Variants in PRKN observed in about 807,000 individuals in gnomAD.
The protein encoded by PRKN is E3 ubiquitin-protein ligase parkin.
Under a neutral mutation model 59.5 loss-of-function variants are expected in PRKN, and 56 were observed. The ratio of observed to expected loss-of-function variants is 0.94; its 90% confidence interval spans 0.76 to 1.18. The LOEUF is 1.18. Ranked by LOEUF, PRKN falls within the 50% of genes most tolerant of loss-of-function variation. The pLI is 0.00. For missense variants in PRKN, 657 were observed against 596.4 expected, an observed-to-expected ratio of 1.10 and a Z score of -1.06; for synonymous variants, 250 against 222.1, an observed-to-expected ratio of 1.13 and a Z score of -1.12.
intron 6 of PRKN, among the ~76,000 whole-genome samples, chr6:161,939,095 C>A (rs531216249): frequency 2.2e-4 from 34 of 152,246 alleles, no homozygotes; most frequent in African/African-American, 7.2e-4. Flanking sequence ...CAACCAACTT[C>A]AATCCAGGAC....
chr6:161,928,335 G>A (rs1236434601), intron 6 of PRKN, among the ~76,000 whole-genome samples: 2 of 152,138 alleles, frequency 1.3e-5, no homozygotes, highest in African/African-American at 2.4e-5. Flanking sequence ...ATTTATGATG[G>A]TTAAAAATAC....
At chr6:161,990,382 A>T (rs1276884107) in intron 5 of PRKN, among the ~76,000 whole-genome samples, 1 of 115,090 alleles carries the variant, frequency 8.7e-6, no homozygotes, top group Non-Finnish European at 1.9e-5. Flanking sequence ...ATACATCTGT[A>T]GAAAAAAGTA....
chr6:161,800,101 T>TA (rs1229250950), intron 6 of PRKN, among the ~76,000 whole-genome samples: 2 of 152,080 alleles, frequency 1.3e-5, no homozygotes, highest in South Asian at 4.1e-4. Context: ...ATTTATGTTT[T>TA]AAAAAATCAC....
At chr6:161,789,388 T>A (rs1790550662) in intron 6 of PRKN, among the ~76,000 whole-genome samples, 1 of 152,164 alleles carries the variant, frequency 6.6e-6, no homozygotes, top group African/African-American at 2.4e-5. Flanking sequence ...TCCTGTTCTC[T>A]CCGCACCTCC....
chr6:162,701,515 C>A (rs1778151017), intron 1 of PRKN, among the ~76,000 whole-genome samples: 1 of 151,016 alleles, frequency 6.6e-6, no homozygotes, highest in Admixed American at 6.6e-5. Flanking sequence ...CTGGAATTAA[C>A]CCTATAACAA....
At chr6:162,382,198 C>T (rs1402041607) in intron 2 of PRKN, among the ~76,000 whole-genome samples, 2 of 152,110 alleles carry the variant, frequency 1.3e-5, no homozygotes, top group African/African-American at 2.4e-5. Flanking sequence ...TGCTGATGAT[C>T]CATCTCAGCC....
chr6:162,243,823 T>A (rs916338920), intron 3 of PRKN, among the ~76,000 whole-genome samples: 12 of 152,114 alleles, frequency 7.9e-5, no homozygotes, highest in Non-Finnish European at 1.6e-4. Context: ...TAGAGAAATG[T>A]TTTGTTTCCA....
intron 5 of PRKN, among the ~76,000 whole-genome samples, chr6:162,022,314 A>G (rs1198485755): frequency 6.6e-6 from 1 of 152,154 alleles, no homozygotes; most frequent in Non-Finnish European, 1.5e-5. Flanking sequence ...AACAGTGTAT[A>G]AGCACTCCCT....
intron 7 of PRKN, among the ~76,000 whole-genome samples, chr6:161,595,670 A>T (rs778008544): frequency 6.4e-4 from 97 of 152,118 alleles, no homozygotes; most frequent in Non-Finnish European, 1.1e-3. Context: ...AACTCAGTGC[A>T]AGCAGGGTGA....
At chr6:162,470,625 A>G (rs1791683811) in intron 1 of PRKN, among the ~76,000 whole-genome samples, 1 of 152,158 alleles carries the variant, frequency 6.6e-6, no homozygotes, top group Non-Finnish European at 1.5e-5. Context: ...TACATTCTAG[A>G]TGGTTTGGGA....
intron 6 of PRKN, among the ~76,000 whole-genome samples, chr6:161,815,121 C>A (rs1791719958): frequency 6.6e-6 from 1 of 152,232 alleles, no homozygotes; most frequent in Non-Finnish European, 1.5e-5. Context: ...CAATTCATTG[C>A]TGCAGCCAGG....
At chr6:161,771,052 G>A (rs1012098932) in intron 7 of PRKN, among the ~76,000 whole-genome samples, 1 of 151,894 alleles carries the variant, frequency 6.6e-6, no homozygotes, top group Admixed American at 6.6e-5. Context: ...TAGAAGCCTG[G>A]GCAAACTGAG....
chr6:162,133,449 G>A (rs543931821), intron 4 of PRKN, among the ~76,000 whole-genome samples: 1 of 152,282 alleles, frequency 6.6e-6, no homozygotes, highest in Admixed American at 6.5e-5. Context: ...GGAAGGGCAG[G>A]TTTGGCAGGA....
intron 2 of PRKN, among the ~76,000 whole-genome samples, chr6:162,318,139 T>C (rs9458518): frequency 0.62 from 94,451 of 151,832 alleles, 29,790 homozygotes; most frequent in East Asian, 0.74. Context: ...TTTGACTACT[T>C]GAGTATCTCA....
At chr6:162,055,291 T>C (rs1777811949) in intron 4 of PRKN, among the ~76,000 whole-genome samples, 1 of 151,950 alleles carries the variant, frequency 6.6e-6, no homozygotes, top group African/African-American at 2.4e-5. Flanking sequence ...ACCATCTACT[T>C]GGAAACAAAA....
intron 6 of PRKN, among the ~76,000 whole-genome samples, chr6:161,857,512 T>C (rs1210014542): frequency 2.0e-5 from 3 of 152,182 alleles, no homozygotes; most frequent in Admixed American, 2.0e-4. Context: ...TTATTTCAAA[T>C]CAATACTATA....
At chr6:161,757,198 A>G (rs1288262367) in intron 7 of PRKN, among the ~76,000 whole-genome samples, 2 of 152,224 alleles carry the variant, frequency 1.3e-5, no homozygotes, top group African/African-American at 4.8e-5. Flanking sequence ...TATGCTACAT[A>G]AAGCACAATC....
At position 161,466,211 on chromosome 6, in the gene PRKN, C is replaced by A. The variant is rs1345581642; in HGVS notation, c.1084-79334G>T. ...TTTCTATTTGAACAGTTTATATTGACCGCTCTTCAAGATCATTGATACTTA... is the reference window on the plus strand; with the variant it reads ...TTTCTATTTGAACAGTTTATATTGAACGCTCTTCAAGATCATTGATACTTA... On this transcript the variant is annotated intron_variant, in intron 9 of 11. Transcript: ENST00000366898. This position sits in a 1 kb window ranked among gnomAD's most constrained non-coding sequence, Gnocchi z 5.0. 6.6e-6 allele frequency among the ~76,000 whole-genome samples: 1 copy of A among 152,180 alleles called. No homozygotes were observed. The highest frequency in any genetic ancestry group is 2.4e-5 in the African/African-American group (1 of 41,442).
chr6:162,074,947 C>T (rs1778758251), intron 4 of PRKN, among the ~76,000 whole-genome samples: 1 of 152,116 alleles, frequency 6.6e-6, no homozygotes, highest in Non-Finnish European at 1.5e-5. Flanking sequence ...TTTTGTTGTT[C>T]CGTTTCATAG....
Sources: gnomAD v4.1 joint callset for allele counts (sites outside exome capture counted in the v4.1 genomes callset) on GRCh38, gnomAD v4.1.1 for gene constraint, Gnocchi (gnomAD v3.1) non-coding constraint, MANE v1.5 for transcripts, NCBI Gene and HGNC (gene_info 2026-07-23, HGNC 2026-07-21) for gene names.